The following FLT1 variants were observed in gnomAD, a reference collection of about 807,000 sequenced individuals.
FLT1 encodes vascular endothelial growth factor receptor 1.
In FLT1, 49 loss-of-function variants were observed where a neutral mutation model predicts 156.3. That is an observed-to-expected ratio of 0.31 (90% CI 0.25 to 0.40). FLT1 has a LOEUF of 0.40. Ranked by LOEUF, FLT1 falls within the 10% of genes least tolerant of loss-of-function variation. The pLI is 1.00. For missense variants in FLT1, 1,322 were observed against 1,637.2 expected (o/e 0.81, Z 3.32); for synonymous variants, 594 against 583.8 (o/e 1.02, Z -0.25).
rs528511250 is a variant in FLT1 at position 28,417,658 on chromosome 13, A to G, written c.1436+9501T>C. On this transcript the variant is annotated intron_variant, in intron 10 of 29. Transcript: ENST00000282397. ...TCTTTTTAAAAATTAAATCTTTAAC[A>G]TTCCTTAATTCCGTTTTTTTTTTTT... 4.5e-3 allele frequency among the ~76,000 whole-genome samples: 526 copies of G among 117,958 alleles called. 1 individual carries two copies. Among genetic ancestry groups the G allele is most frequent in the Middle Eastern group, 9.1e-3 (2 of 220 alleles). The allele number at this position is 117,958 out of a possible 152,430, so 77.4% of individuals were successfully genotyped here.
chr13:28,477,275 A>C (rs1193466021), intron 1 of FLT1, among the ~76,000 whole-genome samples: 1 of 152,116 alleles, frequency 6.6e-6, no homozygotes, highest in Non-Finnish European at 1.5e-5. Context: ...CCTTCCAATG[A>C]CCTATAGCCA....
At chr13:28,350,644 C>G (rs555325574) in intron 15 of FLT1, among the ~76,000 whole-genome samples, 1 of 152,022 alleles carries the variant, frequency 6.6e-6, no homozygotes, top group African/African-American at 2.4e-5. Flanking sequence ...TATAACCAGA[C>G]AGAGTTTCCC....
In FLT1 at chr13:28,300,529, A is replaced by ACACACCCACC. The variant is rs1566273874; in HGVS notation, c.*2637_*2638insGGTGGGTGTG. On this transcript the variant is annotated 3_prime_UTR_variant, in exon 30 of 30. Coordinates refer to ENST00000282397, the MANE Select transcript of FLT1 (RefSeq NM_002019.4). ...ACAAAACACACATACACCCACACACACACACACACACACACACACACACAC... is the reference window on the plus strand; with the variant it reads ...ACAAAACACACATACACCCACACACACACACCCACCCACACACACACACACACACACACAC... The ACACACCCACC allele has an allele frequency of 8.9e-6, 1 of 112,544 alleles. No individual in the cohort carries two copies. The highest frequency in any genetic ancestry group is 8.4e-5 in the Admixed American group (1 of 11,836). The allele number at this position is 112,544 out of a possible 1,614,324, so 7.0% of individuals were successfully genotyped here.
intron 29 of FLT1, among the ~76,000 whole-genome samples, chr13:28,306,144 G>A (rs141396463): frequency 1.0e-3 from 157 of 152,316 alleles, no homozygotes; most frequent in Middle Eastern, 3.4e-3. Flanking sequence ...TGGTGGCCAC[G>A]GCGTGGAGGG....
chr13:28,412,373 TTTCTTTCTTTC>T (rs1876313860), intron 10 of FLT1, among the ~76,000 whole-genome samples: 1 of 126,386 alleles, frequency 7.9e-6, no homozygotes, highest in Non-Finnish European at 1.7e-5. Context: ...TCTTTCTTTC[TTTCTTTCTTTC>T]TTTCTTTCTT....
At chr13:28,405,737 T>C (rs1875749199) in intron 11 of FLT1, 43 bp downstream of exon 11, 1 of 1,054,876 alleles carries the variant, frequency 9.5e-7, no homozygotes, top group Non-Finnish European at 1.5e-6. Context: ...TGAGAGTGTA[T>C]TTGTGGAATA....
In FLT1 at chr13:28,422,232, C is replaced by T. The variant is rs571522396; in HGVS notation, c.1436+4927G>A. Among the ~76,000 whole-genome samples the T allele has an allele frequency of 2.0e-5, 3 of 152,290 alleles. No individual in the cohort carries two copies. In the South Asian group the frequency reaches 6.2e-4, roughly 32 times the overall value. On this transcript the variant is annotated intron_variant, in intron 10 of 29. Coordinates refer to ENST00000282397, the MANE Select transcript of FLT1 (RefSeq NM_002019.4). ...TAATGCAATGTAGACAGAAATGTTT[C>T]TCTACATATTTTGACTAGTTATCAC... is the stretch of plus-strand genomic sequence containing the variant.
chr13:28,459,383 T>C (rs968138015), intron 3 of FLT1, among the ~76,000 whole-genome samples: 1 of 152,208 alleles, frequency 6.6e-6, no homozygotes, highest in Admixed American at 6.5e-5. Context: ...ATCAAAACTT[T>C]GGAAACCAGT....
At chr13:28,385,441 G>C in intron 13 of FLT1, 1 of 792,978 alleles carries the variant, frequency 1.3e-6, no homozygotes, top group Non-Finnish European at 1.5e-6. Context: ...GTAGTGATAG[G>C]CTAATATAAT....
At chr13:28,476,458 T>C (rs556518451) in intron 1 of FLT1, among the ~76,000 whole-genome samples, 2 of 152,338 alleles carry the variant, frequency 1.3e-5, no homozygotes, top group African/African-American at 4.8e-5. Context: ...TATTGGTCTT[T>C]AAGGTCCACA....
chr13:28,332,026 G>C (rs1464024766), intron 18 of FLT1, among the ~76,000 whole-genome samples: 1 of 152,094 alleles, frequency 6.6e-6, no homozygotes, highest in African/African-American at 2.4e-5. Flanking sequence ...AGGAGTTTGA[G>C]ACCAGCCTGG....
At chr13:28,398,900 A>G in intron 11 of FLT1, 1 of 637,712 alleles carries the variant, frequency 1.6e-6, no homozygotes, top group Non-Finnish European at 2.8e-6. Context: ...AGCGCATATG[A>G]AGGCAAATAA....
rs1593784011 is a variant in FLT1 at position 28,430,286 on chromosome 13, G to A, written c.989-119C>T. ...AAATAAACAGAGCTGAATTATGATA[G>A]AGCCTATCAATGAGCCCAAATGTTG... On this transcript the variant is annotated intron_variant, in intron 7 of 29. Coordinates refer to ENST00000282397, the MANE Select transcript of FLT1 (RefSeq NM_002019.4). 5.4e-6 allele frequency: 4 copies of A among 744,914 alleles called. No homozygotes were observed. The East Asian group carries it at 8.0e-5, about 15-fold the overall frequency. The allele number at this position is 744,914 out of a possible 1,614,324, so 46.1% of individuals were successfully genotyped here.
chr13:28,407,608 G>C (rs1156710050), intron 10 of FLT1, among the ~76,000 whole-genome samples: 1 of 152,074 alleles, frequency 6.6e-6, no homozygotes, highest in East Asian at 1.9e-4. Context: ...CCGTATATCA[G>C]ATTTCCCCAA....
chr13:28,479,170 C>A (rs1162294581), intron 1 of FLT1, among the ~76,000 whole-genome samples: 1 of 152,162 alleles, frequency 6.6e-6, no homozygotes, highest in East Asian at 1.9e-4. Context: ...AACCCTCTGA[C>A]CTTTGAGATT....
intron 1 of FLT1, among the ~76,000 whole-genome samples, chr13:28,473,182 C>A (rs564357940): frequency 6.6e-6 from 1 of 152,130 alleles, no homozygotes; most frequent in Non-Finnish European, 1.5e-5. Context: ...CCCACTTTGG[C>A]AAGCAGTATG....
rs60740378 is a variant in FLT1 at position 28,470,982 on chromosome 13, C to T, written c.65-3365G>A. ...CTAGGATTACAGACGTGAGCCACCG[C>T]GCCGCGCAAGAAGTGCTATTTAGAG... On this transcript the variant is annotated intron_variant, in intron 1 of 29. Coordinates refer to ENST00000282397, the MANE Select transcript of FLT1 (RefSeq NM_002019.4). 4.8e-3 allele frequency among the ~76,000 whole-genome samples: 725 copies of T among 152,276 alleles called. 3 individuals carry two copies. The highest frequency in any genetic ancestry group is 0.017 in the African/African-American group (693 of 41,562).
intron 14 of FLT1, among the ~76,000 whole-genome samples, chr13:28,369,725 A>T (rs1271173986): frequency 6.6e-6 from 1 of 152,222 alleles, no homozygotes; most frequent in African/African-American, 2.4e-5. Context: ...ACACAGTGAA[A>T]AGCAGCCTTG....
intron 25 of FLT1, among the ~76,000 whole-genome samples, chr13:28,313,727 G>C (rs571280115): frequency 2.6e-5 from 4 of 152,172 alleles, no homozygotes; most frequent in African/African-American, 9.6e-5. Flanking sequence ...GCGGTTGCTG[G>C]GGAAAAAACC....
Sources: gnomAD v4.1 joint callset for allele counts (sites outside exome capture counted in the v4.1 genomes callset) on GRCh38, gnomAD v4.1.1 for gene constraint, MANE v1.5 for transcripts, NCBI Gene and HGNC (gene_info 2026-07-23, HGNC 2026-07-21) for gene names.